The following LRRTM3 variants were observed in gnomAD, a reference collection of about 807,000 sequenced individuals.
LRRTM3 encodes the protein leucine rich repeat transmembrane neuronal 3.
Under a neutral mutation model 44.7 loss-of-function variants are expected in LRRTM3, and 24 were observed. The observed-to-expected ratio is 0.54, with a 90% CI of 0.39 to 0.76. LRRTM3 has a LOEUF of 0.76. LRRTM3 is among the 30% of genes least tolerant of loss of function. The probability of loss-of-function intolerance (pLI) is 0.00; values close to 1 mark genes in which losing one functional copy is unlikely to be tolerated. For missense variants in LRRTM3, 587 were observed against 702.2 expected (o/e 0.84, Z 1.85); for synonymous variants, 277 against 278.7 (o/e 0.99, Z 0.06).
intron 2 of LRRTM3, among the ~76,000 whole-genome samples, chr10:66,938,058 T>C (rs1847807085): frequency 1.3e-5 from 2 of 152,196 alleles, no homozygotes; most frequent in South Asian, 2.1e-4. Context: ...GAATTGATTT[T>C]CTGGTCATTA....
intron 2 of LRRTM3, among the ~76,000 whole-genome samples, chr10:67,039,135 A>T (rs569365925): frequency 5.1e-4 from 78 of 152,216 alleles, no homozygotes; most frequent in African/African-American, 1.8e-3. Flanking sequence ...TCACACTGAG[A>T]TTACTATGAA....
At chr10:67,011,273 G>A (rs903710694) in intron 2 of LRRTM3, among the ~76,000 whole-genome samples, 2 of 151,576 alleles carry the variant, frequency 1.3e-5, no homozygotes, top group Non-Finnish European at 2.9e-5. Flanking sequence ...CCCAGCAGAC[G>A]GAGGTTGCAG....
chr10:67,045,509 C>T (rs1325294308), intron 2 of LRRTM3, among the ~76,000 whole-genome samples: 1 of 152,114 alleles, frequency 6.6e-6, no homozygotes, highest in African/African-American at 2.4e-5. Context: ...GGGAACTGTT[C>T]TGCTACGTAG....
intron 2 of LRRTM3, among the ~76,000 whole-genome samples, chr10:67,059,765 C>T (rs1313236156): frequency 1.3e-5 from 2 of 151,996 alleles, no homozygotes; most frequent in Non-Finnish European, 2.9e-5. Flanking sequence ...TTCAGTTTAG[C>T]TATGTTAATC....
chr10:66,983,662 T>C (rs2132893806), intron 2 of LRRTM3, among the ~76,000 whole-genome samples: 2 of 152,288 alleles, frequency 1.3e-5, no homozygotes, highest in South Asian at 4.1e-4. Context: ...TGCCAACAGC[T>C]TCAGAAATGA....
At chr10:67,074,769 A>G (rs1330231390) in intron 2 of LRRTM3, among the ~76,000 whole-genome samples, 1 of 152,224 alleles carries the variant, frequency 6.6e-6, no homozygotes, top group Non-Finnish European at 1.5e-5. Context: ...AGACATGTAT[A>G]TAAAACCACA....
At chr10:67,078,555 C>T (rs1302978530) in intron 2 of LRRTM3, among the ~76,000 whole-genome samples, 6 of 151,926 alleles carry the variant, frequency 3.9e-5, no homozygotes, top group Non-Finnish European at 7.4e-5. Flanking sequence ...CTCGCTCTGT[C>T]GCCCAGGCTG....
intron 2 of LRRTM3, among the ~76,000 whole-genome samples, chr10:66,958,470 T>TAA (rs910398956): frequency 9.7e-4 from 145 of 149,700 alleles, no homozygotes; most frequent in Admixed American, 2.3e-3. Flanking sequence ...CTTTTTTTTT[T>TAA]AAAAAAAATA....
chr10:67,065,729 C>T (rs1856033898), intron 2 of LRRTM3, among the ~76,000 whole-genome samples: 1 of 152,012 alleles, frequency 6.6e-6, no homozygotes, highest in South Asian at 2.1e-4. Context: ...CTAAGCCACA[C>T]GATAAAGGAG....
intron 2 of LRRTM3, among the ~76,000 whole-genome samples, chr10:66,934,368 T>A (rs1256403456): frequency 3.9e-5 from 6 of 152,112 alleles, no homozygotes; most frequent in Non-Finnish European, 7.4e-5. Flanking sequence ...AGTCTGTAAT[T>A]CCTATATCAC....
At chr10:67,050,018 T>TTTGTA (rs1854985874) in intron 2 of LRRTM3, among the ~76,000 whole-genome samples, 1 of 152,226 alleles carries the variant, frequency 6.6e-6, no homozygotes, top group African/African-American at 2.4e-5. Context: ...TGTAAGTTAG[T>TTTGTA]AGATGCTGAT....
intron 2 of LRRTM3, among the ~76,000 whole-genome samples, chr10:67,050,884 G>A (rs1376282615): frequency 4.0e-4 from 61 of 152,154 alleles, no homozygotes; most frequent in Admixed American, 3.7e-3. Context: ...ACTTACATAC[G>A]TAGCACAAAT....
chr10:67,064,783 T>C (rs892736947), intron 2 of LRRTM3, among the ~76,000 whole-genome samples: 3 of 152,150 alleles, frequency 2.0e-5, no homozygotes, highest in African/African-American at 7.2e-5. Flanking sequence ...GTAATTTCAA[T>C]CTCACTTTTA....
chr10:67,065,322 A>G (rs1285133251), intron 2 of LRRTM3, among the ~76,000 whole-genome samples: 4 of 152,220 alleles, frequency 2.6e-5, no homozygotes, highest in Non-Finnish European at 4.4e-5. Flanking sequence ...CTATCTTCAC[A>G]GAGTTGTGAT....
intron 2 of LRRTM3, among the ~76,000 whole-genome samples, chr10:67,042,147 A>G (rs1026990393): frequency 6.6e-6 from 1 of 152,308 alleles, no homozygotes; most frequent in East Asian, 1.9e-4. Flanking sequence ...CAGAAATTCT[A>G]AAATGTGTTT....
At chr10:67,067,280 A>G (rs1432894954) in intron 2 of LRRTM3, among the ~76,000 whole-genome samples, 3 of 140,726 alleles carry the variant, frequency 2.1e-5, no homozygotes, top group Non-Finnish European at 4.6e-5. Flanking sequence ...TTTATGACAA[A>G]TGGAATAATT....
At chr10:67,009,189 G>A (rs1289019957) in intron 2 of LRRTM3, among the ~76,000 whole-genome samples, 1 of 151,850 alleles carries the variant, frequency 6.6e-6, no homozygotes, top group South Asian at 2.1e-4. Flanking sequence ...CTTTATTTCA[G>A]GAATTTATCT....
chr10:66,930,566 T>C (rs1000531603), intron 2 of LRRTM3, among the ~76,000 whole-genome samples: 1 of 152,176 alleles, frequency 6.6e-6, no homozygotes. Context: ...CACTTAACCT[T>C]CTGCCTTACT....
At chr10:67,048,488 G>A (rs1854885198) in intron 2 of LRRTM3, among the ~76,000 whole-genome samples, 1 of 151,986 alleles carries the variant, frequency 6.6e-6, no homozygotes, top group East Asian at 1.9e-4. Flanking sequence ...ATGCAAAATA[G>A]GAATACAGGA....
Sources: gnomAD v4.1 joint callset for allele counts (sites outside exome capture counted in the v4.1 genomes callset) on GRCh38, gnomAD v4.1.1 for gene constraint, MANE v1.5 for transcripts, NCBI Gene and HGNC (gene_info 2026-07-23, HGNC 2026-07-21) for gene names.